SCCPDH: variants seen among roughly 807,000 people sequenced by gnomAD.
The protein encoded by SCCPDH is saccharopine dehydrogenase (putative).
Under a neutral mutation model 51.5 loss-of-function variants are expected in SCCPDH, and 34 were observed. That is an observed-to-expected ratio of 0.66 (90% confidence interval 0.50 to 0.88). The LOEUF is 0.88. Ranked by LOEUF, SCCPDH falls within the 40% of genes least tolerant of loss-of-function variation. SCCPDH has a pLI of 0.00. For missense variants in SCCPDH, 464 were observed against 527.1 expected (o/e 0.88, Z 1.17); for synonymous variants, 187 against 191.3 (o/e 0.98, Z 0.19).
chr1:246,759,181 A>G, intron 7 of SCCPDH, 30 bp downstream of exon 7: 1 of 1,169,878 alleles, frequency 8.5e-7, no homozygotes, highest in Non-Finnish European at 1.3e-6. Context: ...TTATCAATAA[A>G]GTGTGTGTTA....
chr1:246,730,133 C>T (rs1449202441), intron 2 of SCCPDH, among the ~76,000 whole-genome samples: 1 of 152,150 alleles, frequency 6.6e-6, no homozygotes, highest in Non-Finnish European at 1.5e-5. Context: ...TCTCATGACT[C>T]ACTATCTCTG....
chr1:246,748,882 G>T (rs190633881), intron 5 of SCCPDH, among the ~76,000 whole-genome samples: 193 of 152,280 alleles, frequency 1.3e-3, no homozygotes, highest in Admixed American at 4.5e-3. Context: ...ATAGTCCCCC[G>T]CAATACCACC....
At chr1:246,736,483 T>C (rs1186917706) in intron 3 of SCCPDH, among the ~76,000 whole-genome samples, 6 of 152,038 alleles carry the variant, frequency 3.9e-5, no homozygotes, top group Non-Finnish European at 7.4e-5. Flanking sequence ...GGGCAGATCA[T>C]GAGGTCAGGA....
chr1:246,758,934 A>C (rs1168412135), intron 6 of SCCPDH, 100 bp from the exon 7 acceptor site: 2 of 787,118 alleles, frequency 2.5e-6, no homozygotes, highest in African/African-American at 3.4e-5. Context: ...GATTACAGGC[A>C]TGAGCCACCA....
chr1:246,748,611 C>A (rs970550852), intron 5 of SCCPDH, among the ~76,000 whole-genome samples: 1 of 152,162 alleles, frequency 6.6e-6, no homozygotes, highest in Non-Finnish European at 1.5e-5. Flanking sequence ...GTAATGTATC[C>A]AGTCTTTGTT....
chr1:246,754,088 TC>T (rs1668894812), intron 5 of SCCPDH, among the ~76,000 whole-genome samples: 1 of 151,962 alleles, frequency 6.6e-6, no homozygotes, highest in African/African-American at 2.4e-5. Flanking sequence ...GTGTCTCCTA[TC>T]CTTTAGCCCC....
chr1:246,758,021 C>T (rs753834185), intron 5 of SCCPDH, among the ~76,000 whole-genome samples: 11 of 151,758 alleles, frequency 7.2e-5, no homozygotes, highest in South Asian at 2.1e-4. Flanking sequence ...AAGGGCTTCT[C>T]GGTGTAAATA....
rs767892249 is a variant in SCCPDH at position 246,724,412 on chromosome 1, G to C, written c.-11G>C. 2.6e-6 allele frequency: 4 copies of C among 1,554,600 alleles called. No homozygotes were observed. The highest frequency in any genetic ancestry group is 3.5e-6 in the Non-Finnish European group (4 of 1,153,844). ...ACCCGCCCCGGGGCCTGGGCTCGCT[G>C]TGGACTCGTCATGGCGACCGAGCAG... On this transcript the variant is annotated 5_prime_UTR_variant, in exon 1 of 12. Coordinates refer to ENST00000366510, the MANE Select transcript of SCCPDH (RefSeq NM_016002.3).
chr1:246,744,573 A>C (rs991296522), intron 5 of SCCPDH, among the ~76,000 whole-genome samples: 3 of 136,598 alleles, frequency 2.2e-5, no homozygotes, highest in Non-Finnish European at 1.6e-5. Context: ...CGCCCACCTC[A>C]GCCTCCCAAA....
chr1:246,760,211 G>C lies in SCCPDH; in HGVS notation c.974G>C (p.Gly325Ala). 6.2e-7 allele frequency: 1 copy of C among 1,608,738 alleles called. No homozygotes were observed. The highest frequency in any genetic ancestry group is 8.5e-7 in the Non-Finnish European group (1 of 1,178,506). The change falls in exon 9 of 12, where the codon GGC becomes GCC. Residue 325 changes from glycine (G) to alanine (A), a missense_variant. By Grantham distance (60) the Gly-to-Ala change is moderately conservative (BLOSUM62 0). Transcript: ENST00000366510. ...TCCTTTGGCTATTTTTCAAAACAAGGCCCAACACAAAAACAGGTAATTTCT... is the reference window on the plus strand; with the variant it reads ...TCCTTTGGCTATTTTTCAAAACAAGCCCCAACACAAAAACAGGTAATTTCT... ...FFSFGYFSKQ[G>A]PTQKQIDAAS...
At chr1:246,763,647 C>G (rs1669049781) in intron 9 of SCCPDH, among the ~76,000 whole-genome samples, 1 of 152,068 alleles carries the variant, frequency 6.6e-6, no homozygotes, top group African/African-American at 2.4e-5. Context: ...GTTTATCTCT[C>G]TCTCCCCCCC....
Position 246,750,164 on chromosome 1 carries a change from G to A in SCCPDH, c.564+6039G>A, listed in dbSNP as rs573678868. On this transcript the variant is annotated intron_variant, in intron 5 of 11. Transcript: ENST00000366510. ...GCACTAGGTAGGGTCCTTCGAAAGCGGGTTCGAGTTTTCCTTCCCTTTAGC... is the reference window on the plus strand; with the variant it reads ...GCACTAGGTAGGGTCCTTCGAAAGCAGGTTCGAGTTTTCCTTCCCTTTAGC... Among the ~76,000 whole-genome samples the A allele has an allele frequency of 2.6e-5, 4 of 152,202 alleles. No individual in the cohort carries two copies. The East Asian group carries it at 7.7e-4, about 29-fold the overall frequency.
intron 2 of SCCPDH, among the ~76,000 whole-genome samples, chr1:246,728,035 G>A (rs1418058154): frequency 1.5e-5 from 2 of 131,282 alleles, no homozygotes; most frequent in Non-Finnish European, 3.5e-5. Context: ...AAGCCCTGGG[G>A]TCGTAGTGGT....
intron 11 of SCCPDH, 119 bp from the exon 12 acceptor site, chr1:246,767,076 G>A (rs1344565903): frequency 3.4e-6 from 2 of 580,860 alleles, no homozygotes; most frequent in African/African-American, 1.9e-5. Context: ...AAAGGTAGCC[G>A]TGATTACCAT....
At chr1:246,733,413 T>C (rs1471593903) in intron 2 of SCCPDH, among the ~76,000 whole-genome samples, 1 of 151,172 alleles carries the variant, frequency 6.6e-6, no homozygotes, top group African/African-American at 2.4e-5. Context: ...ATGCCATATA[T>C]ATATAGTCCT....
intron 2 of SCCPDH, among the ~76,000 whole-genome samples, chr1:246,727,310 T>C (rs1181774210): frequency 6.6e-6 from 1 of 152,260 alleles, no homozygotes; most frequent in African/African-American, 2.4e-5. Flanking sequence ...TGTTTGAGTG[T>C]GTCTCCCTAG....
rs142346609 is a variant in SCCPDH, at chr1:246,759,041, A to G, written c.703A>G (p.Ile235Val). ...CATAGGTCTGTCTTGCAGGTGGCCA[A>G]TTTCTTATTGTCGGGAACTCAAAGG... The part of the protein sequence containing the change: ...IGPKLKRRWP[I>V]SYCRELKGYS... Residue 235 changes from isoleucine (I) to valine (V), a missense_variant, in exon 7 of 12, where the codon ATT becomes GTT. By Grantham distance (29) the Ile-to-Val change is conservative (BLOSUM62 3). Coordinates refer to ENST00000366510, the MANE Select transcript of SCCPDH (RefSeq NM_016002.3). 8.4e-4 allele frequency: 1,332 copies of G among 1,595,026 alleles called. 10 individuals carry two copies. The African/African-American group carries it at 0.015, about 18-fold the overall frequency.
chr1:246,736,233 G>A (rs1461444564), intron 3 of SCCPDH, among the ~76,000 whole-genome samples, 178 bp downstream of exon 3: 3 of 152,276 alleles, frequency 2.0e-5, no homozygotes, highest in Admixed American at 2.0e-4. Context: ...CTGATGGTAA[G>A]GTCTTAGCTT....
chr1:246,731,632 G>A (rs1668490650), intron 2 of SCCPDH, among the ~76,000 whole-genome samples: 1 of 152,218 alleles, frequency 6.6e-6, no homozygotes, highest in Non-Finnish European at 1.5e-5. Context: ...GAGAATTAAG[G>A]GGCTGTGGTA....
Sources: gnomAD v4.1 joint callset for allele counts (sites outside exome capture counted in the v4.1 genomes callset) on GRCh38, gnomAD v4.1.1 for gene constraint, MANE v1.5 for transcripts, NCBI Gene and HGNC (gene_info 2026-07-23, HGNC 2026-07-21) for gene names.